The following LAMA2 variants were observed in gnomAD, a reference collection of about 807,000 sequenced individuals.
The protein encoded by LAMA2 is laminin subunit alpha-2.
In LAMA2, 269 loss-of-function variants were observed where a neutral mutation model predicts 364.8. The observed-to-expected ratio is 0.74, with a 90% CI of 0.67 to 0.82. LAMA2 has a LOEUF of 0.82. Ranked by LOEUF, LAMA2 falls within the 40% of genes least tolerant of loss-of-function variation. The probability of loss-of-function intolerance (pLI) is 0.00; values close to 1 mark genes in which losing one functional copy is unlikely to be tolerated. For missense variants in LAMA2, 3,807 were observed against 3,873.2 expected (o/e 0.98, Z 0.45); for synonymous variants, 1,379 against 1,370.6 (o/e 1.01, Z -0.14).
chr6:128,986,423 A>G (rs1783242212), intron 1 of LAMA2, among the ~76,000 whole-genome samples: 1 of 152,174 alleles, frequency 6.6e-6, no homozygotes, highest in Admixed American at 6.5e-5. Flanking sequence ...TCAGTGGATC[A>G]GGTGGGAAAT....
chr6:129,168,105 T>G (rs528722388), intron 9 of LAMA2, among the ~76,000 whole-genome samples: 50 of 143,720 alleles, frequency 3.5e-4, no homozygotes, highest in East Asian at 6.1e-4. Context: ...TTTCTCCCAT[T>G]TTGTAGGTTG....
Position 129,297,682 on chromosome 6 carries a change from C to A in LAMA2, c.2857-3C>A. The A allele has an allele frequency of 6.2e-7, 1 of 1,613,466 alleles. No individual in the cohort carries two copies. The highest frequency in any genetic ancestry group is 8.5e-7 in the Non-Finnish European group (1 of 1,179,838). On this transcript the variant is annotated splice_region_variant and splice_polypyrimidine_tract_variant and intron_variant, in intron 20 of 64. Transcript: ENST00000421865. ...TAATTTTTCTCTCCTCTTCCATTGC[C>A]AGGCTGGGACCTTTGGCCTACAATC... is the stretch of plus-strand genomic sequence containing the variant.
At chr6:128,934,720 G>A (rs939612138) in intron 1 of LAMA2, among the ~76,000 whole-genome samples, 2 of 152,008 alleles carry the variant, frequency 1.3e-5, no homozygotes, top group Non-Finnish European at 2.9e-5. Flanking sequence ...TGTTGGACAG[G>A]CTGGTCTCAA....
In LAMA2 at chr6:129,252,229, T is replaced by G; in HGVS notation, c.2030T>G (p.Val677Gly). 4 of 1,614,138 alleles carry G rather than the reference T, an allele frequency of 2.5e-6. No individual in the cohort carries two copies. The highest frequency in any genetic ancestry group is 3.4e-6 in the Non-Finnish European group (4 of 1,179,994). ...GTCCGTAGAAAGGAATTTATGACAG[T>G]GCTTGCGAATTTGAAGAGAGTCCTC... ...FPVRRKEFMTVLANLKRVLLQ... is the reference protein window; with the variant it reads ...FPVRRKEFMTGLANLKRVLLQ... Residue 677 changes from valine to glycine, a missense_variant, in exon 14 of 65, where the codon GTG becomes GGG. Physicochemically the swap from Val to Gly is moderately radical, Grantham distance 109. Transcript: ENST00000421865.
intron 1 of LAMA2, among the ~76,000 whole-genome samples, chr6:128,885,581 G>T (rs1776103906): frequency 6.6e-6 from 1 of 152,102 alleles, no homozygotes; most frequent in African/African-American, 2.4e-5. Flanking sequence ...AGTTTGACTG[G>T]AGAAGGGTTT....
In LAMA2 at chr6:129,401,327, A is replaced by G. The variant is rs138983455; in HGVS notation, c.5549A>G (p.Asn1850Ser). Reference protein sequence around the residue: ...DEANRLADEINSIIDYVEDIQ... With the variant: ...DEANRLADEISSIIDYVEDIQ... ...GCCAACCGTCTTGCAGATGAAATCAACTCCATCATAGACGTGAGTATTGGG... is the reference window on the plus strand; with the variant it reads ...GCCAACCGTCTTGCAGATGAAATCAGCTCCATCATAGACGTGAGTATTGGG... The change falls in exon 38 of 65, where the codon AAC becomes AGC. Residue 1850 changes from asparagine to serine, a missense_variant. By Grantham distance (46) the Asn-to-Ser change is conservative (BLOSUM62 1). Transcript: ENST00000421865. The G allele has an allele frequency of 1.0e-5, 16 of 1,589,924 alleles. No individual in the cohort carries two copies. Among genetic ancestry groups the G allele is most frequent in the East Asian group, 4.5e-5 (2 of 44,740 alleles).
chr6:129,052,080 TG>T (rs554577667), intron 2 of LAMA2, among the ~76,000 whole-genome samples: 208 of 151,458 alleles, frequency 1.4e-3, no homozygotes, highest in African/African-American at 4.7e-3. Context: ...TGAACTATGA[TG>T]GGGGTAAAGC....
intron 3 of LAMA2, among the ~76,000 whole-genome samples, chr6:129,073,563 C>T (rs542106732): frequency 2.0e-5 from 3 of 152,012 alleles, no homozygotes; most frequent in Admixed American, 6.6e-5. Context: ...TTTCATTTGT[C>T]TTCTCTTCTT....
chr6:129,209,973 C>T (rs1336125884), intron 12 of LAMA2, among the ~76,000 whole-genome samples: 1 of 137,010 alleles, frequency 7.3e-6, no homozygotes, highest in Non-Finnish European at 1.5e-5. Context: ...CACTGCACTC[C>T]AGCCCGGGCG....
chr6:129,393,099 G>T lies in LAMA2; in HGVS notation c.5289G>T (p.Gly1763=). Residue 1763 remains glycine, a synonymous_variant, in exon 37 of 65, where the codon GGG becomes GGT. Transcript: ENST00000421865. Reference sequence around the variant, plus strand: ...AGAAGCTGTTTGGAGAGTCCCGGGGGGAAAATGAAGAAATGGAGAAGGATC... The same window carrying T: ...AGAAGCTGTTTGGAGAGTCCCGGGGTGAAAATGAAGAAATGGAGAAGGATC... ...KVKKLFGESR[G]ENEEMEKDLR... 1 of 1,613,942 alleles carries T rather than the reference G, an allele frequency of 6.2e-7. No homozygotes were observed. The highest frequency in any genetic ancestry group is 1.1e-5 in the South Asian group (1 of 91,078).
At position 129,146,996 on chromosome 6, in the gene LAMA2, T is replaced by G. The variant is rs745783092; in HGVS notation, c.857T>G (p.Met286Arg). Residue 286 changes from methionine (M) to arginine (R), a missense_variant, in exon 6 of 65, where the codon ATG becomes AGG. Met to Arg is a moderately conservative substitution (Grantham distance 91). Coordinates refer to ENST00000421865, the MANE Select transcript of LAMA2 (RefSeq NM_000426.4). The part of the protein sequence containing the change: ...YSVKDISVGG[M>R]CICYGHARAC... Reference sequence around the variant, plus strand: ...GTCAAGGATATTTCAGTTGGAGGGATGTGCATCTGCTATGGTCATGCCAGG... The same window carrying G: ...GTCAAGGATATTTCAGTTGGAGGGAGGTGCATCTGCTATGGTCATGCCAGG... 9 of 1,611,964 alleles carry G rather than the reference T, an allele frequency of 5.6e-6. No individual in the cohort carries two copies. The highest frequency in any genetic ancestry group is 7.6e-6 in the Non-Finnish European group (9 of 1,178,316).
intron 1 of LAMA2, among the ~76,000 whole-genome samples, chr6:128,945,854 G>T (rs911598120): frequency 5.9e-5 from 9 of 152,210 alleles, no homozygotes; most frequent in Non-Finnish European, 8.8e-5. Context: ...CAAAGTAGAA[G>T]ATATAATTCG....
intron 12 of LAMA2, among the ~76,000 whole-genome samples, chr6:129,208,570 GAAAGAGAA>G (rs2115066179): frequency 6.8e-6 from 1 of 147,640 alleles, no homozygotes; most frequent in African/African-American, 2.5e-5. Flanking sequence ...GAAAGAGAAA[GAAAGAGAA>G]AGAAAGGAGG....
intron 1 of LAMA2, among the ~76,000 whole-genome samples, chr6:128,995,116 C>T (rs1280422988): frequency 3.3e-5 from 5 of 152,156 alleles, no homozygotes; most frequent in Admixed American, 6.5e-5. Flanking sequence ...ACTTTGAATT[C>T]GGTTTTTAAA....
At chr6:129,447,967 T>C (rs1293578178) in intron 45 of LAMA2, among the ~76,000 whole-genome samples, 5 of 152,142 alleles carry the variant, frequency 3.3e-5, no homozygotes, top group Non-Finnish European at 5.9e-5. Context: ...TGTAAGCATA[T>C]AAAACCTGTC....
intron 1 of LAMA2, among the ~76,000 whole-genome samples, chr6:128,911,726 C>T (rs550756528): frequency 1.1e-4 from 17 of 152,148 alleles, no homozygotes; most frequent in Non-Finnish European, 2.1e-4. Context: ...TGACATTTGA[C>T]AAATATATAT....
chr6:129,232,812 AGACCTT>A (rs1271747426), intron 12 of LAMA2, among the ~76,000 whole-genome samples: 1 of 152,154 alleles, frequency 6.6e-6, no homozygotes, highest in Non-Finnish European at 1.5e-5. Flanking sequence ...CAGTCACATG[AGACCTT>A]AAAAGTAGAA....
chr6:129,075,550 A>T (rs1010716215), intron 3 of LAMA2, among the ~76,000 whole-genome samples: 14 of 152,164 alleles, frequency 9.2e-5, no homozygotes, highest in African/African-American at 3.1e-4. Flanking sequence ...GTACTTTTTT[A>T]GCAAAGAGAT....
intron 30 of LAMA2, among the ~76,000 whole-genome samples, chr6:129,343,741 C>G (rs1181742877): frequency 6.6e-6 from 1 of 152,016 alleles, no homozygotes; most frequent in Non-Finnish European, 1.5e-5. Context: ...ACTGTAAAAC[C>G]TGTGTGTTAA....
Sources: gnomAD v4.1 joint callset for allele counts (sites outside exome capture counted in the v4.1 genomes callset) on GRCh38, gnomAD v4.1.1 for gene constraint, MANE v1.5 for transcripts, NCBI Gene and HGNC (gene_info 2026-07-23, HGNC 2026-07-21) for gene names.